Variants in DCLRE1C observed in about 807,000 individuals in gnomAD.
The protein encoded by DCLRE1C is DNA cross-link repair 1C, also known as protein artemis.
A neutral mutation model predicts 61.4 loss-of-function variants in DCLRE1C; 47 were observed. That is an observed-to-expected ratio of 0.77 (90% CI 0.61 to 0.98). DCLRE1C has a LOEUF of 0.98. Among genes scored for constraint, DCLRE1C ranks in the 50% least tolerant of loss-of-function variants. The pLI is 0.00. For synonymous variants in DCLRE1C, 337 were observed against 287.6 expected (o/e 1.17, Z -1.74); for missense variants, 858 against 816.0 (o/e 1.05, Z -0.63).
intron 2 of DCLRE1C, among the ~76,000 whole-genome samples, chr10:14,947,182 T>A (rs995458908): frequency 6.6e-6 from 1 of 151,814 alleles, no homozygotes; most frequent in African/African-American, 2.4e-5. Flanking sequence ...ACTGCACTCC[T>A]GCCTGGGCAG....
intron 9 of DCLRE1C, among the ~76,000 whole-genome samples, chr10:14,928,803 TAGAC>T (rs1838475232): frequency 7.2e-6 from 1 of 139,604 alleles, no homozygotes; most frequent in African/African-American, 2.7e-5. Flanking sequence ...TTTTTTTTTT[TAGAC>T]AGTCTCGCTT....
At chr10:14,930,051 G>T (rs1332438574) in intron 9 of DCLRE1C, among the ~76,000 whole-genome samples, 2 of 152,118 alleles carry the variant, frequency 1.3e-5, no homozygotes, top group Non-Finnish European at 2.9e-5. Context: ...CCAATTCAAG[G>T]ATTTATGGGG....
chr10:14,935,879 A>G (rs575488476), intron 5 of DCLRE1C, among the ~76,000 whole-genome samples: 5 of 152,318 alleles, frequency 3.3e-5, no homozygotes, highest in Admixed American at 1.3e-4. Flanking sequence ...ATACAAGGTC[A>G]CTGGGGAAAC....
chr10:14,920,538 G>A, intron 12 of DCLRE1C: 1 of 416,788 alleles, frequency 2.4e-6, no homozygotes, highest in Non-Finnish European at 3.2e-6. Flanking sequence ...TGTTCCCACA[G>A]CTGTTCTCTG....
intron 1 of DCLRE1C, among the ~76,000 whole-genome samples, chr10:14,950,402 ACCAAACCAATT>A (rs1842295352): frequency 6.6e-6 from 1 of 151,904 alleles, no homozygotes; most frequent in Admixed American, 6.6e-5. Context: ...GCTTAGCTAA[ACCAAACCAATT>A]CTAATTACCA....
At chr10:14,933,591 C>T (rs994939682) in intron 8 of DCLRE1C, among the ~76,000 whole-genome samples, 4 of 151,634 alleles carry the variant, frequency 2.6e-5, no homozygotes, top group African/African-American at 7.3e-5. Flanking sequence ...GAACTGAGAC[C>T]GTGCCACTGC....
intron 13 of DCLRE1C, among the ~76,000 whole-genome samples, chr10:14,913,850 G>A (rs1287944330): frequency 6.6e-6 from 1 of 152,110 alleles, no homozygotes; most frequent in Non-Finnish European, 1.5e-5. Flanking sequence ...TCTTGGGGGG[G>A]TCCTGGAACC....
At chr10:14,940,285 C>CTTTTTTTTTTTT (rs1467655165) in intron 3 of DCLRE1C, among the ~76,000 whole-genome samples, 2 of 103,272 alleles carry the variant, frequency 1.9e-5, no homozygotes, top group African/African-American at 3.5e-5. Flanking sequence ...ATACACGGTT[C>CTTTTTTTTTTTT]TTTTATTTTT....
Position 14,907,717 on chromosome 10 carries a change from CTTGAA to C in DCLRE1C, c.*686_*690del, listed in dbSNP as rs911431879. ...TTCCATCCTTTTAACCTATCAATCACTTGAATTGACTTTCTTTATAGACAGCAGAT... is the reference window on the plus strand; with the variant it reads ...TTCCATCCTTTTAACCTATCAATCACTTGACTTTCTTTATAGACAGCAGAT... On this transcript the variant is annotated 3_prime_UTR_variant, in exon 14 of 14. Coordinates refer to ENST00000378278, the MANE Select transcript of DCLRE1C (RefSeq NM_001033855.3). Among the ~76,000 whole-genome samples, 4 of 152,078 alleles carry C rather than the reference CTTGAA, an allele frequency of 2.6e-5. No homozygotes were observed. Among genetic ancestry groups the C allele is most frequent in the African/African-American group, 9.7e-5 (4 of 41,408 alleles).
intron 9 of DCLRE1C, among the ~76,000 whole-genome samples, chr10:14,931,544 T>G (rs1224037242): frequency 6.7e-6 from 1 of 148,536 alleles, no homozygotes; most frequent in Non-Finnish European, 1.5e-5. Context: ...GGCCACAGAG[T>G]GAGACCATCT....
chr10:14,948,897 G>T, intron 2 of DCLRE1C, 139 bp downstream of exon 2: 1 of 680,404 alleles, frequency 1.5e-6, no homozygotes, highest in Non-Finnish European at 2.6e-6. Flanking sequence ...CTGGGATATT[G>T]GTACTGTCCT....
chr10:14,935,837 C>A (rs1255324555), intron 5 of DCLRE1C, among the ~76,000 whole-genome samples: 2 of 152,172 alleles, frequency 1.3e-5, no homozygotes, highest in African/African-American at 4.8e-5. Flanking sequence ...ATCATTCTTG[C>A]TCATGGAGAG....
At chr10:14,949,606 C>T (rs952097013) in intron 1 of DCLRE1C, among the ~76,000 whole-genome samples, 6 of 152,248 alleles carry the variant, frequency 3.9e-5, no homozygotes, top group Non-Finnish European at 8.8e-5. Flanking sequence ...AGACTTGCTC[C>T]ACAGCGCTCC....
At chr10:14,912,610 G>A (rs1213194993) in intron 13 of DCLRE1C, among the ~76,000 whole-genome samples, 1 of 152,224 alleles carries the variant, frequency 6.6e-6, no homozygotes, top group Non-Finnish European at 1.5e-5. Flanking sequence ...ATGAAATACT[G>A]ATATATGCCA....
intron 4 of DCLRE1C, among the ~76,000 whole-genome samples, chr10:14,938,797 A>G (rs1185585606): frequency 6.6e-6 from 1 of 152,146 alleles, no homozygotes; most frequent in East Asian, 1.9e-4. Flanking sequence ...GCATTATAAA[A>G]CTCAGTAAAT....
chr10:14,948,210 C>CA (rs377622660), intron 2 of DCLRE1C, among the ~76,000 whole-genome samples: 7,678 of 109,920 alleles, frequency 0.07, 520 homozygotes, highest in African/African-American at 0.21. Flanking sequence ...CCCGTCTCTA[C>CA]AAAAAAAAAA....
At chr10:14,944,780 T>G (rs900416119) in intron 3 of DCLRE1C, among the ~76,000 whole-genome samples, 5 of 150,564 alleles carry the variant, frequency 3.3e-5, no homozygotes, top group Admixed American at 1.3e-4. Flanking sequence ...GTTCAAGCAA[T>G]TATCCTGCCT....
intron 13 of DCLRE1C, among the ~76,000 whole-genome samples, chr10:14,909,995 A>G (rs2131788484): frequency 6.6e-6 from 1 of 151,916 alleles, no homozygotes. Flanking sequence ...ATATTTTCCC[A>G]TCTTGTAACA....
chr10:14,920,931 C>T (rs1836995242), intron 12 of DCLRE1C, among the ~76,000 whole-genome samples: 1 of 151,578 alleles, frequency 6.6e-6, no homozygotes. Flanking sequence ...TGCAGTGAGC[C>T]GAGGTTGCAC....
Sources: gnomAD v4.1 joint callset for allele counts (sites outside exome capture counted in the v4.1 genomes callset) on GRCh38, gnomAD v4.1.1 for gene constraint, MANE v1.5 for transcripts, NCBI Gene and HGNC (gene_info 2026-07-23, HGNC 2026-07-21) for gene names.